The following CCDC171 variants were observed in gnomAD, a reference collection of about 807,000 sequenced individuals.
CCDC171 encodes coiled-coil domain-containing protein 171.
Under a neutral mutation model 168.2 loss-of-function variants are expected in CCDC171, and 177 were observed. The ratio of observed to expected loss-of-function variants is 1.05; its 90% CI spans 0.93 to 1.19. The LOEUF is 1.19. Among genes scored for constraint, CCDC171 ranks in the 50% most tolerant of loss-of-function variants. The pLI is 0.00. For synonymous variants in CCDC171, 687 were observed against 540.8 expected (o/e 1.27, Z -3.75); for missense variants, 1,991 against 1,539.0 (o/e 1.29, Z -4.91).
intron 8 of CCDC171, among the ~76,000 whole-genome samples, chr9:15,657,591 G>A (rs1416455304): frequency 6.6e-6 from 1 of 152,022 alleles, no homozygotes; most frequent in East Asian, 1.9e-4. Flanking sequence ...TGAGAACGTT[G>A]AAAAAATGTG....
rs1587538964 is a variant in CCDC171, at chr9:15,627,650, AGTT to A, written c.822+4238_822+4240del. Among the ~76,000 whole-genome samples the A allele has an allele frequency of 2.6e-5, 4 of 152,274 alleles. No individual in the cohort carries two copies. The East Asian group carries it at 7.7e-4, about 29-fold the overall frequency. On this transcript the variant is annotated intron_variant, in intron 7 of 25. Transcript: ENST00000380701. ...GTTTTGAATGAGTTTCTTAATCCTG[AGTT>A]CTAGTTTGAATGCACTGTGGTCTTA...
At chr9:15,617,638 A>T (rs1376269726) in intron 6 of CCDC171, among the ~76,000 whole-genome samples, 1 of 152,080 alleles carries the variant, frequency 6.6e-6, no homozygotes, top group East Asian at 1.9e-4. Flanking sequence ...GGCCTCCAAA[A>T]GTGCTGGGAT....
At position 15,779,056 on chromosome 9, in the gene CCDC171, A is replaced by T; in HGVS notation, c.2987A>T (p.Glu996Val). ...AEVERRSLRLEVTEFKRSVNE... is the reference protein window; with the variant it reads ...AEVERRSLRLVVTEFKRSVNE... ...GTGGAGCGCCGCTCACTACGCTTAGAGGTCACAGAATTCAAACGAAGTGTG... is the reference window on the plus strand; with the variant it reads ...GTGGAGCGCCGCTCACTACGCTTAGTGGTCACAGAATTCAAACGAAGTGTG... Residue 996 changes from glutamate (E) to valine (V), a missense_variant, in exon 20 of 26, where the codon GAG becomes GTG. Physicochemically the swap from Glu to Val is moderately radical, Grantham distance 121. Transcript: ENST00000380701. 2 of 1,605,882 alleles carry T rather than the reference A, an allele frequency of 1.2e-6. No homozygotes were observed. The highest frequency in any genetic ancestry group is 1.7e-6 in the Non-Finnish European group (2 of 1,176,546).
chr9:15,751,427 T>A (rs139682347), intron 18 of CCDC171, among the ~76,000 whole-genome samples: 240 of 152,292 alleles, frequency 1.6e-3, no homozygotes, highest in African/African-American at 5.5e-3. Context: ...AAAAACTACT[T>A]TAAATTTCAT....
At chr9:15,736,012 G>A (rs549311744) in intron 16 of CCDC171, among the ~76,000 whole-genome samples, 1 of 152,118 alleles carries the variant, frequency 6.6e-6, no homozygotes, top group Non-Finnish European at 1.5e-5. Flanking sequence ...CCTACCACAG[G>A]CATATGAGAT....
intron 6 of CCDC171, among the ~76,000 whole-genome samples, chr9:15,598,576 G>A (rs1435176769): frequency 6.6e-6 from 1 of 152,134 alleles, no homozygotes; most frequent in Non-Finnish European, 1.5e-5. Context: ...CAACTATGTG[G>A]TCAATTTTGG....
chr9:16,013,607 C>T (rs945769040), intron 3 of CCDC171, among the ~76,000 whole-genome samples: 1 of 152,184 alleles, frequency 6.6e-6, no homozygotes, highest in Non-Finnish European at 1.5e-5. Flanking sequence ...CCCGTACCTA[C>T]CTTTCTCATC....
chr9:15,665,560 C>G (rs1189089480), intron 8 of CCDC171, among the ~76,000 whole-genome samples: 1 of 152,148 alleles, frequency 6.6e-6, no homozygotes, highest in East Asian at 1.9e-4. Context: ...GTGGGAGGAT[C>G]ACTTGAAGCT....
chr9:15,990,517 C>G (rs564141514), intron 3 of CCDC171, among the ~76,000 whole-genome samples: 14 of 152,174 alleles, frequency 9.2e-5, no homozygotes, highest in Non-Finnish European at 1.8e-4. Context: ...ACTGCAACAA[C>G]TAACGAGCAA....
intron 3 of CCDC171, among the ~76,000 whole-genome samples, chr9:16,006,349 G>A (rs1460435502): frequency 6.6e-6 from 1 of 152,164 alleles, no homozygotes; most frequent in Non-Finnish European, 1.5e-5. Context: ...GATAATTAAT[G>A]ATGTTGAGCA....
At chr9:15,837,892 CT>C (rs2060517116) in intron 21 of CCDC171, among the ~76,000 whole-genome samples, 1 of 152,204 alleles carries the variant, frequency 6.6e-6, no homozygotes, top group African/African-American at 2.4e-5. Flanking sequence ...CCAGTGGTAA[CT>C]TTGTTCTACC....
At chr9:15,899,367 G>A (rs1487812566) in intron 24 of CCDC171, among the ~76,000 whole-genome samples, 1 of 152,110 alleles carries the variant, frequency 6.6e-6, no homozygotes, top group Non-Finnish European at 1.5e-5. Flanking sequence ...GAATGTGATT[G>A]CCTAGCTATA....
chr9:15,852,251 C>T lies in CCDC171; in HGVS notation c.3468+3304C>T, dbSNP rs150979878. Among the ~76,000 whole-genome samples the T allele has an allele frequency of 1.0e-3, 153 of 151,836 alleles. 2 individuals are homozygous for T. Among genetic ancestry groups the T allele is most frequent in the African/African-American group, 3.4e-3 (140 of 41,526 alleles). On this transcript the variant is annotated intron_variant, in intron 23 of 25. Transcript: ENST00000380701. ...CATCCTTGCTCACACTTGTTAGTTT[C>T]AATTTTTGTTAATGGCCATCCTAGT...
intron 21 of CCDC171, among the ~76,000 whole-genome samples, chr9:15,826,144 G>T (rs1354779172): frequency 6.6e-6 from 1 of 151,868 alleles, no homozygotes; most frequent in African/African-American, 2.4e-5. Context: ...TAATTTCTAA[G>T]AATTGCTTTT....
chr9:15,896,000 A>G (rs973503075), intron 24 of CCDC171, among the ~76,000 whole-genome samples: 1 of 151,998 alleles, frequency 6.6e-6, no homozygotes, highest in Non-Finnish European at 1.5e-5. Flanking sequence ...GGTTTTCACT[A>G]GGAACTTTTC....
chr9:15,927,642 G>C (rs902184575), intron 25 of CCDC171, among the ~76,000 whole-genome samples: 4 of 151,590 alleles, frequency 2.6e-5, no homozygotes, highest in African/African-American at 9.7e-5. Flanking sequence ...TCATTGTTCA[G>C]ATTATGTCAG....
intron 18 of CCDC171, among the ~76,000 whole-genome samples, chr9:15,768,365 A>G (rs1160682487): frequency 6.6e-6 from 1 of 152,010 alleles, no homozygotes; most frequent in Non-Finnish European, 1.5e-5. Context: ...CTTATTCTCC[A>G]TATTCTACAT....
chr9:15,598,010 A>G (rs1272134780), intron 6 of CCDC171, among the ~76,000 whole-genome samples: 2 of 151,640 alleles, frequency 1.3e-5, no homozygotes, highest in Non-Finnish European at 2.9e-5. Context: ...ATGATTTTTT[A>G]TTGTGTCTAT....
chr9:15,684,630 A>G (rs2050258237), intron 10 of CCDC171, among the ~76,000 whole-genome samples: 3 of 152,216 alleles, frequency 2.0e-5, no homozygotes, highest in Non-Finnish European at 4.4e-5. Flanking sequence ...TTGAAGGATC[A>G]TAAAAAAGAG....
Sources: gnomAD v4.1 joint callset for allele counts (sites outside exome capture counted in the v4.1 genomes callset) on GRCh38, gnomAD v4.1.1 for gene constraint, MANE v1.5 for transcripts, NCBI Gene and HGNC (gene_info 2026-07-23, HGNC 2026-07-21) for gene names.